ASPRV1: variants seen among roughly 807,000 people sequenced by gnomAD.
ASPRV1 encodes the protein retroviral-like aspartic protease 1.
ASPRV1 carries 7 observed loss-of-function variants against 11.0 expected under a neutral mutation model. The observed-to-expected ratio is 0.64, with a 90% confidence interval of 0.36 to 1.20. ASPRV1 has a LOEUF of 1.20. Ranked by LOEUF, ASPRV1 falls within the 50% of genes most tolerant of loss-of-function variation. ASPRV1 has a pLI of 0.02. For synonymous variants in ASPRV1, 136 were observed against 138.4 expected, an observed-to-expected ratio of 0.98 and a Z score of 0.12; for missense variants, 299 against 320.0, an observed-to-expected ratio of 0.93 and a Z score of 0.50.
the ASPRV1 span, among the ~76,000 whole-genome samples, chr2:70,051,509 G>T: frequency 6.6e-5 from 10 of 152,172 alleles, no homozygotes; most frequent in Non-Finnish European, 1.0e-4. Flanking sequence ...AGCATGCAAA[G>T]ATGTATATAT....
the ASPRV1 span, chr2:69,988,510 A>G: frequency 3.2e-6 from 1 of 313,748 alleles, no homozygotes. Flanking sequence ...CAGGAGCTGC[A>G]GGGAGGGAAA....
chr2:70,012,917 T>A, the ASPRV1 span, among the ~76,000 whole-genome samples: 1 of 152,240 alleles, frequency 6.6e-6, no homozygotes, highest in Admixed American at 6.5e-5. Flanking sequence ...TAAGTGAACC[T>A]GTCACCTCAT....
the ASPRV1 span, among the ~76,000 whole-genome samples, chr2:69,943,848 T>C: frequency 6.6e-6 from 1 of 152,196 alleles, no homozygotes; most frequent in Non-Finnish European, 1.5e-5. Flanking sequence ...GAGAGCACTT[T>C]TTCGGAGTCA....
At chr2:70,055,994 GGATT>G in the ASPRV1 span, 3 of 152,138 alleles carry the variant, frequency 2.0e-5, no homozygotes, top group African/African-American at 4.8e-5. Context: ...TACATAAAAT[GGATT>G]ATTATTCAAC....
chr2:69,946,972 C>T, the ASPRV1 span, among the ~76,000 whole-genome samples: 4 of 152,154 alleles, frequency 2.6e-5, no homozygotes, highest in Admixed American at 6.5e-5. Flanking sequence ...TGCTAAAATG[C>T]CCATATGTTG....
the ASPRV1 span, among the ~76,000 whole-genome samples, chr2:70,039,876 T>C: frequency 6.6e-6 from 1 of 152,152 alleles, no homozygotes; most frequent in South Asian, 2.1e-4. Context: ...GACTATTAAA[T>C]TCCCAGTGGG....
At chr2:69,937,098 G>C in the ASPRV1 span, 1 of 1,140,838 alleles carries the variant, frequency 8.8e-7, no homozygotes, top group Non-Finnish European at 1.3e-6. Context: ...CCTGTCTCAG[G>C]GAGAAGCTTG....
chr2:70,039,503 T>C, the ASPRV1 span, among the ~76,000 whole-genome samples: 1 of 152,224 alleles, frequency 6.6e-6, no homozygotes, highest in Non-Finnish European at 1.5e-5. Flanking sequence ...AGCTAGCTGA[T>C]GGGTTATACT....
chr2:69,968,634 CTT>C, the ASPRV1 span: 1 of 152,260 alleles, frequency 6.6e-6, no homozygotes, highest in South Asian at 2.1e-4. Context: ...TTTCTCACCA[CTT>C]TGGGGTGTGT....
At chr2:70,073,317 C>A in the ASPRV1 span, 3 of 152,010 alleles carry the variant, frequency 2.0e-5, no homozygotes, top group Middle Eastern at 3.2e-3. Context: ...AAACAAAAAC[C>A]ACTAATAAAT....
At chr2:69,935,506 C>A in the ASPRV1 span, 1 of 1,370,752 alleles carries the variant, frequency 7.3e-7, no homozygotes, top group Non-Finnish European at 1.0e-6. Flanking sequence ...TTTACCTGTT[C>A]AGTGAGGGTT....
At chr2:69,956,414 GAAGAAGA>G (rs1399890159), downstream of ASPRV1, among the ~76,000 whole-genome samples, 15 of 122,594 alleles carry the variant, frequency 1.2e-4, no homozygotes, top group South Asian at 2.7e-4. Flanking sequence ...AAGACCCTGT[GAAGAAGA>G]AAGAAGAAAG....
chr2:70,081,103 G>A, the ASPRV1 span: 5 of 152,176 alleles, frequency 3.3e-5, no homozygotes, highest in Non-Finnish European at 7.3e-5. Flanking sequence ...ACATTTCTCA[G>A]AGAACCAAGA....
At chr2:70,047,487 T>C in the ASPRV1 span, among the ~76,000 whole-genome samples, 3 of 152,280 alleles carry the variant, frequency 2.0e-5, no homozygotes, top group East Asian at 1.9e-4. Context: ...ATATAAGCTA[T>C]GTGCAAGATC....
the ASPRV1 span, among the ~76,000 whole-genome samples, chr2:70,052,258 T>C: frequency 6.6e-6 from 1 of 152,128 alleles, no homozygotes; most frequent in East Asian, 1.9e-4. Context: ...ATAAAATAAA[T>C]GGATTAAATA....
the ASPRV1 span, among the ~76,000 whole-genome samples, chr2:69,977,331 C>T: frequency 6.6e-6 from 1 of 152,188 alleles, no homozygotes; most frequent in East Asian, 1.9e-4. Flanking sequence ...AAGGCACTGA[C>T]AGCCACTGTG....
At chr2:70,041,771 C>T in the ASPRV1 span, among the ~76,000 whole-genome samples, 137 of 152,282 alleles carry the variant, frequency 9.0e-4, no homozygotes, top group African/African-American at 3.1e-3. Context: ...AAGCCAGTGA[C>T]GACCATGGCC....
chr2:69,935,936 A>T, the ASPRV1 span, among the ~76,000 whole-genome samples: 1 of 152,054 alleles, frequency 6.6e-6, no homozygotes, highest in Non-Finnish European at 1.5e-5. Context: ...GTGGCTCAGG[A>T]CAAGCTCTGT....
the ASPRV1 span, among the ~76,000 whole-genome samples, chr2:69,977,854 G>A: frequency 6.6e-6 from 1 of 152,312 alleles, no homozygotes; most frequent in Non-Finnish European, 1.5e-5. Context: ...AGAAAAGGAG[G>A]TGACAAAGTA....
Sources: gnomAD v4.1 joint callset for allele counts (sites outside exome capture counted in the v4.1 genomes callset) on GRCh38, gnomAD v4.1.1 for gene constraint, MANE v1.5 for transcripts, NCBI Gene and HGNC (gene_info 2026-07-23, HGNC 2026-07-21) for gene names.